SPRED2: variants seen among roughly 807,000 people sequenced by gnomAD.
SPRED2 encodes the protein sprouty related EVH1 domain containing 2.
A neutral mutation model predicts 43.0 loss-of-function variants in SPRED2; 47 were observed. The ratio of observed to expected loss-of-function variants is 1.09; its 90% CI spans 0.87 to 1.40. The LOEUF (loss-of-function observed/expected upper bound fraction) is 1.40. Ranked by LOEUF, SPRED2 falls within the 40% of genes most tolerant of loss-of-function variation. The probability of loss-of-function intolerance (pLI) is 0.00; values close to 1 mark genes in which losing one functional copy is unlikely to be tolerated. For missense variants in SPRED2, 561 were observed against 586.4 expected (o/e 0.96, Z 0.45); for synonymous variants, 225 against 225.7 (o/e 1.00, Z 0.03).
rs1157548812 is a variant in SPRED2 at position 65,372,456 on chromosome 2, G to C, written c.27-27560C>G. On this transcript the variant is annotated intron_variant, in intron 1 of 5. Transcript: ENST00000356388. ...TTAGCAATGAAAAGGGAATGGTTGC[G>C]GCATTCAGGGTGCTGATTATGTGGC... 2.0e-5 allele frequency among the ~76,000 whole-genome samples: 3 copies of C among 152,274 alleles called. No homozygotes were observed. In the East Asian group the frequency reaches 5.8e-4, roughly 29 times the overall value.
rs373354138 is a variant in SPRED2 at position 65,313,708 on chromosome 2, G to T, written c.1050C>A (p.Leu350=). ...VSCMWCADSM[L]YHCMSDPEGD... is the part of the protein sequence containing the mutation. ...CCTCGGGGTCCGACATACAGTGATA[G>T]AGCATGCTGTCCGCGCACCACATGC... Residue 350 remains leucine, a synonymous_variant, in exon 6 of 6, where the codon CTC becomes CTA. Transcript: ENST00000356388. 2 of 1,614,198 alleles carry T rather than the reference G, an allele frequency of 1.2e-6. No individual in the cohort carries two copies. The highest frequency in any genetic ancestry group is 1.7e-6 in the Non-Finnish European group (2 of 1,180,022).
chr2:65,317,275 G>A (rs779324993), intron 4 of SPRED2, among the ~76,000 whole-genome samples: 3 of 152,236 alleles, frequency 2.0e-5, no homozygotes, highest in Non-Finnish European at 4.4e-5. Flanking sequence ...CACTTTGGGA[G>A]GCCAAGGCGG....
chr2:65,356,534 C>CTTTTTTTT (rs1674654115), intron 1 of SPRED2, among the ~76,000 whole-genome samples: 1 of 54,254 alleles, frequency 1.8e-5, no homozygotes, highest in South Asian at 9.6e-4. Context: ...CCCCAGTTCC[C>CTTTTTTTT]TCTTTTTTTT....
At chr2:65,398,994 T>C (rs1451465281) in intron 1 of SPRED2, among the ~76,000 whole-genome samples, 1 of 152,162 alleles carries the variant, frequency 6.6e-6, no homozygotes, top group South Asian at 2.1e-4. Flanking sequence ...GAAAATGTGG[T>C]ATAGCTGGGC....
Position 65,336,548 on chromosome 2 carries a change from T to G in SPRED2, c.205-1775A>C, listed in dbSNP as rs1048176673. ...ATTCTATTTATGATTAAATTGCTTA[T>G]TATAGCCATTTCCCCCTAAGAATAG... On this transcript the variant is annotated intron_variant, in intron 2 of 5. Transcript: ENST00000356388. Among the ~76,000 whole-genome samples, 7 of 152,306 alleles carry G rather than the reference T, an allele frequency of 4.6e-5. No individual in the cohort carries two copies. In the South Asian group the frequency reaches 1.4e-3, roughly 32 times the overall value.
Position 65,334,757 on chromosome 2 carries a change from T to A in SPRED2, c.221A>T (p.Tyr74Phe), listed in dbSNP as rs556500338. The change falls in exon 3 of 6, where the codon TAT becomes TTT. Residue 74 changes from tyrosine (Y) to phenylalanine (F), a missense_variant. Transcript: ENST00000356388. ...QKDKLVVLEC[Y>F]VRKDLVYTKA... ...GGTGTAGACCAAGTCCTTTCTTACA[T>A]AGCATTCCAATACCACCTGAAGGAT... is the stretch of plus-strand genomic sequence containing the variant. 1.2e-6 allele frequency: 2 copies of A among 1,614,218 alleles called. No individual in the cohort carries two copies. The highest frequency in any genetic ancestry group is 1.3e-5 in the African/African-American group (1 of 75,064).
chr2:65,312,371 T>C lies in SPRED2; in HGVS notation c.*1130A>G. On this transcript the variant is annotated 3_prime_UTR_variant, in exon 6 of 6. Coordinates refer to ENST00000356388, the MANE Select transcript of SPRED2 (RefSeq NM_181784.3). ...AAAATGAAACGAAAACATAAACCCATGAAGAAAATGCAACCCACCACTCTT... is the reference window on the plus strand; with the variant it reads ...AAAATGAAACGAAAACATAAACCCACGAAGAAAATGCAACCCACCACTCTT... 1 of 985,316 alleles carries C rather than the reference T, an allele frequency of 1.0e-6. No individual in the cohort carries two copies. Among genetic ancestry groups the C allele is most frequent in the Non-Finnish European group, 1.2e-6 (1 of 829,904 alleles). The allele number at this position is 985,316 out of a possible 1,614,324, so 61.0% of individuals were successfully genotyped here.
intron 1 of SPRED2, among the ~76,000 whole-genome samples, chr2:65,345,259 G>GTTTTTTTTTTTTTTTTT (rs66991368): frequency 5.4e-5 from 6 of 111,378 alleles, no homozygotes; most frequent in Non-Finnish European, 1.1e-4. Flanking sequence ...TTTAGTTGTT[G>GTTTTTTTTTTTTTTTTT]TTTTTTTTTT....
At chr2:65,420,728 A>G (rs1676402391) in intron 1 of SPRED2, among the ~76,000 whole-genome samples, 1 of 152,014 alleles carries the variant, frequency 6.6e-6, no homozygotes, top group Admixed American at 6.6e-5. Flanking sequence ...GCTACAACCA[A>G]CTCCCGCTTA....
intron 1 of SPRED2, among the ~76,000 whole-genome samples, chr2:65,367,640 GTTGCA>G (rs1486070910): frequency 1.3e-5 from 2 of 152,138 alleles, no homozygotes; most frequent in Non-Finnish European, 2.9e-5. Flanking sequence ...TGTTGTGAGT[GTTGCA>G]TCAACCTCCT....
intron 4 of SPRED2, among the ~76,000 whole-genome samples, chr2:65,327,313 AT>A (rs1288833001): frequency 6.6e-6 from 1 of 152,206 alleles, no homozygotes; most frequent in Non-Finnish European, 1.5e-5. Flanking sequence ...TAAAATGGAA[AT>A]AAAAGTTTCT....
At chr2:65,324,776 A>G (rs1302004379) in intron 4 of SPRED2, among the ~76,000 whole-genome samples, 4 of 152,124 alleles carry the variant, frequency 2.6e-5, no homozygotes, top group African/African-American at 9.7e-5. Context: ...CCATTCTGGG[A>G]TGGAATCCTG....
At chr2:65,324,306 T>A (rs886403874) in intron 4 of SPRED2, among the ~76,000 whole-genome samples, 2 of 152,212 alleles carry the variant, frequency 1.3e-5, no homozygotes, top group Non-Finnish European at 2.9e-5. Context: ...GACAGAATTT[T>A]AAAAAATAAT....
At chr2:65,397,489 T>A (rs1675782891) in intron 1 of SPRED2, among the ~76,000 whole-genome samples, 2 of 152,156 alleles carry the variant, frequency 1.3e-5, no homozygotes, top group South Asian at 4.1e-4. Context: ...CTGTCAAGCT[T>A]TTCACAACTA....
At chr2:65,320,365 C>T (rs971113629) in intron 4 of SPRED2, among the ~76,000 whole-genome samples, 1 of 152,178 alleles carries the variant, frequency 6.6e-6, no homozygotes, top group Non-Finnish European at 1.5e-5. Flanking sequence ...GAAAGTCCTT[C>T]TGAGAAATGA....
At chr2:65,308,281 CT>C (rs927163268), downstream of SPRED2, 2 of 984,554 alleles carry the variant, frequency 2.0e-6, no homozygotes, top group African/African-American at 3.5e-5. Context: ...GGACCCTGCC[CT>C]CTCGGCAAAA....
intron 1 of SPRED2, among the ~76,000 whole-genome samples, chr2:65,401,383 C>A (rs981687374): frequency 1.3e-5 from 2 of 152,304 alleles, no homozygotes; most frequent in African/African-American, 2.4e-5. Flanking sequence ...AAGACCCCCC[C>A]AGGTGACTCA....
At chr2:65,315,766 G>C (rs1224595556) in intron 5 of SPRED2, among the ~76,000 whole-genome samples, 1 of 152,174 alleles carries the variant, frequency 6.6e-6, no homozygotes, top group Non-Finnish European at 1.5e-5. Context: ...TCACGCCATT[G>C]TCCTGCTTCA....
chr2:65,315,437 T>A (rs73936449), intron 5 of SPRED2, among the ~76,000 whole-genome samples: 3,212 of 152,248 alleles, frequency 0.021, 108 homozygotes, highest in African/African-American at 0.074. Context: ...CTTATTAGAT[T>A]TACCCATCAC....
Sources: gnomAD v4.1 joint callset for allele counts (sites outside exome capture counted in the v4.1 genomes callset) on GRCh38, gnomAD v4.1.1 for gene constraint, MANE v1.5 for transcripts, NCBI Gene and HGNC (gene_info 2026-07-23, HGNC 2026-07-21) for gene names.